The following BMP7 variants were observed in gnomAD, a reference collection of about 807,000 sequenced individuals.
The protein encoded by BMP7 is bone morphogenetic protein 7.
BMP7 carries 12 observed loss-of-function variants against 41.2 expected under a neutral mutation model. The ratio of observed to expected loss-of-function variants is 0.29; its 90% CI spans 0.19 to 0.47. The LOEUF is 0.47. Among genes scored for constraint, BMP7 ranks in the 20% least tolerant of loss-of-function variants. BMP7 has a pLI of 0.99. For missense variants in BMP7, 467 were observed against 606.0 expected (o/e 0.77, Z 2.41); for synonymous variants, 248 against 250.0 (o/e 0.99, Z 0.07).
chr20:57,257,837 A>C (rs1655543554), intron 1 of BMP7, among the ~76,000 whole-genome samples: 1 of 151,964 alleles, frequency 6.6e-6, no homozygotes, highest in South Asian at 2.1e-4. Flanking sequence ...AAAAAAAAAA[A>C]AAAAAAAACT....
intron 3 of BMP7, among the ~76,000 whole-genome samples, chr20:57,194,375 C>T (rs1300999216): frequency 2.6e-5 from 4 of 152,186 alleles, no homozygotes; most frequent in East Asian, 1.9e-4. Context: ...GGAACACAGT[C>T]GATGCACAGT....
rs553663354 is a variant in BMP7, at chr20:57,171,848, G to A, written c.1147-740C>T. On this transcript the variant is annotated intron_variant, in intron 6 of 6. Coordinates refer to ENST00000395863, the MANE Select transcript of BMP7 (RefSeq NM_001719.3). The surrounding 1 kb of genome is among the most constrained non-coding windows in gnomAD (Gnocchi z 4.5). ...GCATGCTTTTTACACATTTTATGAT[G>A]GACAATTTCAAACTCTTACACATCC... Among the ~76,000 whole-genome samples, 7 of 152,276 alleles carry A rather than the reference G, an allele frequency of 4.6e-5. No homozygotes were observed. The highest frequency in any genetic ancestry group is 1.2e-4 in the African/African-American group (5 of 41,542).
Position 57,228,128 on chromosome 20 carries a change from G to T in BMP7, c.611+101C>A. On this transcript the variant is annotated intron_variant, in intron 2 of 6. Transcript: ENST00000395863. The surrounding 1 kb of genome is among the most constrained non-coding windows in gnomAD (Gnocchi z 4.5). Reference sequence around the variant, plus strand: ...GATAATCTGGTACAGGGCCTGGCACGTGGTTGTGCCAATCTGACCCATCCT... The same window carrying T: ...GATAATCTGGTACAGGGCCTGGCACTTGGTTGTGCCAATCTGACCCATCCT... The T allele has an allele frequency of 7.7e-7, 1 of 1,292,444 alleles. No homozygotes were observed. The highest frequency in any genetic ancestry group is 1.1e-6 in the Non-Finnish European group (1 of 891,088). 80.1% of individuals were successfully genotyped at this position (1,292,444 alleles called of 1,614,324 possible).
chr20:57,211,521 C>A lies in BMP7; in HGVS notation c.612-8898G>T, dbSNP rs867457301. ...GACCCAGGAAGCTGTGGGTATGCCA[C>A]CTCCCAGGCCCTGATCCCAGAAGCT... On this transcript the variant is annotated intron_variant, in intron 2 of 6. Coordinates refer to ENST00000395863, the MANE Select transcript of BMP7 (RefSeq NM_001719.3). Among the ~76,000 whole-genome samples the A allele has an allele frequency of 5.9e-5, 9 of 152,332 alleles. No individual in the cohort carries two copies. In the South Asian group the frequency reaches 1.5e-3, roughly 25 times the overall value.
intron 1 of BMP7, among the ~76,000 whole-genome samples, chr20:57,236,249 C>T (rs886841344): frequency 1.3e-5 from 2 of 152,130 alleles, no homozygotes; most frequent in South Asian, 4.1e-4. Flanking sequence ...AGAGGGGGAA[C>T]TAGAGGATGC....
At position 57,209,249 on chromosome 20, in the gene BMP7, TTATA is replaced by T. The variant is rs57062226; in HGVS notation, c.612-6630_612-6627del. Among the ~76,000 whole-genome samples, 829 of 94,850 alleles carry T rather than the reference TTATA, an allele frequency of 8.7e-3. 10 individuals carry two copies. Among genetic ancestry groups the T allele is most frequent in the East Asian group, 0.045 (129 of 2,896 alleles). The allele number at this position is 94,850 out of a possible 152,430, so 62.2% of individuals were successfully genotyped here. On this transcript the variant is annotated intron_variant, in intron 2 of 6. Transcript: ENST00000395863. ...AACAAATACCTAGATTTATATATTT[TTATA>T]TATATATATATATATATATATATAT...
rs972227061 is a variant in BMP7 at position 57,266,637 on chromosome 20, A to C, written c.-515T>G. 2.6e-5 allele frequency: 4 copies of C among 152,284 alleles called. No individual in the cohort carries two copies. The highest frequency in any genetic ancestry group is 9.7e-5 in the African/African-American group (4 of 41,402). The allele number at this position is 152,284 out of a possible 1,614,324, so 9.4% of individuals were successfully genotyped here. A position where few individuals can be genotyped will look rare whatever the true frequency, so the allele number is the denominator to read the frequency against. ...CACAAGAGGCCGCCTCGGGAGCGCCAGAGTGGTACGCGCTGGGGCCTGGGC... is the reference window on the plus strand; with the variant it reads ...CACAAGAGGCCGCCTCGGGAGCGCCCGAGTGGTACGCGCTGGGGCCTGGGC... On this transcript the variant is annotated 5_prime_UTR_variant, in exon 1 of 7. Transcript: ENST00000395863.
At chr20:57,216,837 C>G (rs1351734506) in intron 2 of BMP7, among the ~76,000 whole-genome samples, 1 of 152,134 alleles carries the variant, frequency 6.6e-6, no homozygotes, top group Non-Finnish European at 1.5e-5. Context: ...TGGGAGTCAC[C>G]ACCTGAGCAG....
intron 2 of BMP7, among the ~76,000 whole-genome samples, chr20:57,217,997 ATAAAGATACC>A: frequency 6.6e-6 from 1 of 152,306 alleles, no homozygotes; most frequent in Admixed American, 6.5e-5. Flanking sequence ...AGGTATCTGT[ATAAAGATACC>A]TATCAACACA....
intron 1 of BMP7, among the ~76,000 whole-genome samples, chr20:57,262,458 T>C (rs752315979): frequency 2.6e-5 from 4 of 152,186 alleles, no homozygotes; most frequent in Non-Finnish European, 5.9e-5. Flanking sequence ...ACCACCTGGT[T>C]TTGTCGTAAA....
At chr20:57,260,871 C>T (rs373687778) in intron 1 of BMP7, among the ~76,000 whole-genome samples, 8 of 152,164 alleles carry the variant, frequency 5.3e-5, no homozygotes, top group East Asian at 1.9e-4. Flanking sequence ...GAAGAGTGAG[C>T]GTGAAAGAAT....
intron 1 of BMP7, among the ~76,000 whole-genome samples, chr20:57,263,591 T>C (rs1158751503): frequency 6.6e-6 from 1 of 152,120 alleles, no homozygotes; most frequent in African/African-American, 2.4e-5. Context: ...TTTTTAATGA[T>C]TCCAGCCAGG....
intron 1 of BMP7, among the ~76,000 whole-genome samples, chr20:57,244,526 G>A (rs1473987857): frequency 6.6e-6 from 1 of 152,232 alleles, no homozygotes; most frequent in Non-Finnish European, 1.5e-5. Flanking sequence ...GGGCCATGGG[G>A]CCTGGAGGTC....
intron 1 of BMP7, among the ~76,000 whole-genome samples, chr20:57,248,957 C>A (rs896599493): frequency 6.6e-6 from 1 of 151,962 alleles, no homozygotes; most frequent in African/African-American, 2.4e-5. Flanking sequence ...CACCACCACG[C>A]CCAGCTAATT....
chr20:57,209,359 C>A (rs1270565493), intron 2 of BMP7, among the ~76,000 whole-genome samples: 2 of 146,280 alleles, frequency 1.4e-5, no homozygotes, highest in Non-Finnish European at 1.5e-5. Context: ...GCAGGAGAAT[C>A]GCTTGAGCCC....
At chr20:57,173,886 C>G (rs1047607892) in intron 5 of BMP7, among the ~76,000 whole-genome samples, 1 of 152,164 alleles carries the variant, frequency 6.6e-6, no homozygotes, top group Non-Finnish European at 1.5e-5. Flanking sequence ...CATGCTGGCT[C>G]CGGGTGCACT....
At chr20:57,182,956 C>T (rs1166942267) in intron 4 of BMP7, among the ~76,000 whole-genome samples, 2 of 152,192 alleles carry the variant, frequency 1.3e-5, no homozygotes, top group Admixed American at 6.5e-5. Context: ...ACCACCTGGC[C>T]GGGTGCAGTG....
At chr20:57,218,724 G>A (rs987612970) in intron 2 of BMP7, among the ~76,000 whole-genome samples, 2 of 151,522 alleles carry the variant, frequency 1.3e-5, no homozygotes, top group East Asian at 3.9e-4. Context: ...GTGGTAGCTG[G>A]TGTTTGTTCG....
Position 57,262,369 on chromosome 20 carries a change from CAGCTCAGTT to C in BMP7, c.418+3327_418+3335del, listed in dbSNP as rs1291214396. On this transcript the variant is annotated intron_variant, in intron 1 of 6. Coordinates refer to ENST00000395863, the MANE Select transcript of BMP7 (RefSeq NM_001719.3). Reference sequence around the variant, plus strand: ...TGGGAAGATGGGAGTCTCACTCAGGCAGCTCAGTTCACATTGCCTGGGGCTTTATGGTAC... The same window carrying C: ...TGGGAAGATGGGAGTCTCACTCAGGCCACATTGCCTGGGGCTTTATGGTAC... Among the ~76,000 whole-genome samples, 12 of 152,328 alleles carry C rather than the reference CAGCTCAGTT, an allele frequency of 7.9e-5. No individual in the cohort carries two copies. In the East Asian group the frequency reaches 2.3e-3, roughly 29 times the overall value.
Sources: allele counts gnomAD v4.1 joint callset (sites outside exome capture counted in the v4.1 genomes callset), GRCh38; gene constraint gnomAD v4.1.1; non-coding constraint Gnocchi (gnomAD v3.1); transcripts MANE v1.5; gene names NCBI Gene and HGNC (gene_info 2026-07-23, HGNC 2026-07-21).